Variants in CDH18 observed in about 807,000 individuals in gnomAD.
The protein encoded by CDH18 is cadherin 18, also known as cadherin-18.
CDH18 carries 31 observed loss-of-function variants against 67.9 expected under a neutral mutation model. The observed-to-expected ratio is 0.46, with a 90% confidence interval of 0.34 to 0.62. The LOEUF is 0.62. CDH18 is among the 20% of genes least tolerant of loss of function. The probability of loss-of-function intolerance (pLI) is 0.01; values close to 1 mark genes in which losing one functional copy is unlikely to be tolerated. For synonymous variants in CDH18, 362 were observed against 347.2 expected (o/e 1.04, Z -0.48); for missense variants, 890 against 975.5 (o/e 0.91, Z 1.17).
chr5:19,490,285 G>T (rs1016985877), intron 11 of CDH18, among the ~76,000 whole-genome samples: 2 of 147,408 alleles, frequency 1.4e-5, no homozygotes, highest in African/African-American at 2.5e-5. Flanking sequence ...AGTAAGGAAA[G>T]AATTAAAGCA....
intron 2 of CDH18, among the ~76,000 whole-genome samples, chr5:19,978,630 C>T (rs191967386): frequency 3.3e-5 from 5 of 152,216 alleles, no homozygotes; most frequent in South Asian, 2.1e-4. Context: ...GGCTGTATTC[C>T]GTTCTAGAGG....
intron 2 of CDH18, among the ~76,000 whole-genome samples, chr5:19,974,520 CAAAAAAAA>C (rs70954626): frequency 1.3e-5 from 1 of 78,268 alleles, no homozygotes; most frequent in Admixed American, 1.6e-4. Context: ...TCCTGTCTCC[CAAAAAAAA>C]AAAAAAAAAA....
At chr5:20,165,089 G>A (rs1411247951) in intron 2 of CDH18, among the ~76,000 whole-genome samples, 1 of 152,070 alleles carries the variant, frequency 6.6e-6, no homozygotes, top group Non-Finnish European at 1.5e-5. Context: ...TTAGATAGGT[G>A]CATTGACTAG....
At chr5:20,136,967 C>T (rs1222703799) in intron 2 of CDH18, among the ~76,000 whole-genome samples, 3 of 152,176 alleles carry the variant, frequency 2.0e-5, no homozygotes, top group African/African-American at 4.8e-5. Context: ...TGCTGTTAGT[C>T]TGATGGACTT....
At chr5:19,537,059 A>G (rs1749528968) in intron 9 of CDH18, among the ~76,000 whole-genome samples, 1 of 152,210 alleles carries the variant, frequency 6.6e-6, no homozygotes, top group South Asian at 2.1e-4. Flanking sequence ...TCAGATATGT[A>G]TAGTTACACA....
chr5:20,141,933 C>A (rs944976669), intron 2 of CDH18, among the ~76,000 whole-genome samples: 16 of 151,254 alleles, frequency 1.1e-4, no homozygotes, highest in African/African-American at 3.6e-4. Flanking sequence ...AAAAATAGAG[C>A]AAAATGTGAA....
At chr5:20,544,141 C>T (rs986647214) in intron 1 of CDH18, among the ~76,000 whole-genome samples, 3 of 152,034 alleles carry the variant, frequency 2.0e-5, no homozygotes, top group African/African-American at 7.2e-5. Flanking sequence ...CTTTGTCCTG[C>T]CAGATTTGAT....
At chr5:19,660,688 T>C (rs570978035) in intron 5 of CDH18, among the ~76,000 whole-genome samples, 1 of 152,236 alleles carries the variant, frequency 6.6e-6, no homozygotes, top group South Asian at 2.1e-4. Flanking sequence ...TTATCAAGTT[T>C]AGTTAAACCA....
intron 5 of CDH18, among the ~76,000 whole-genome samples, chr5:19,688,987 G>A (rs991194169): frequency 1.1e-4 from 16 of 151,968 alleles, no homozygotes; most frequent in Non-Finnish European, 2.4e-4. Context: ...AACCCAGTCA[G>A]ATAAAAAGTT....
At chr5:20,115,338 G>A (rs1311490356) in intron 2 of CDH18, among the ~76,000 whole-genome samples, 2 of 124,882 alleles carry the variant, frequency 1.6e-5, no homozygotes, top group Admixed American at 9.9e-5. Context: ...AAGTGTAGTG[G>A]CGCGATCTCA....
intron 9 of CDH18, among the ~76,000 whole-genome samples, chr5:19,526,164 G>A (rs1259959870): frequency 6.6e-6 from 1 of 152,082 alleles, no homozygotes; most frequent in African/African-American, 2.4e-5. Context: ...ACAATTAACG[G>A]TAACTATGTC....
chr5:19,951,436 T>C (rs1383833352), intron 2 of CDH18, among the ~76,000 whole-genome samples: 1 of 152,116 alleles, frequency 6.6e-6, no homozygotes, highest in Non-Finnish European at 1.5e-5. Context: ...TGTAGATGAG[T>C]AATTGACAGT....
chr5:19,858,291 T>C (rs1335783374), intron 2 of CDH18, among the ~76,000 whole-genome samples: 1 of 152,156 alleles, frequency 6.6e-6, no homozygotes, highest in African/African-American at 2.4e-5. Context: ...TGGGTTAAGA[T>C]AATGAGTTGG....
chr5:20,279,730 C>CAAAAAAAAAAAAAAAAAAAAAAAAAAA (rs1309866477), intron 1 of CDH18, among the ~76,000 whole-genome samples: 1 of 66,686 alleles, frequency 1.5e-5, no homozygotes. Context: ...AAAAAAAAAG[C>CAAAAAAAAAAAAAAAAAAAAAAAAAAA]AAAAACTGTA....
chr5:20,172,204 A>ACATATATACACG (rs1287178218), intron 2 of CDH18, among the ~76,000 whole-genome samples: 4 of 60,312 alleles, frequency 6.6e-5, no homozygotes, highest in South Asian at 5.6e-4. Context: ...ATATATATAT[A>ACATATATACACG]TATATATATA....
chr5:19,644,729 A>T (rs540053279), intron 5 of CDH18, among the ~76,000 whole-genome samples: 6 of 152,196 alleles, frequency 3.9e-5, no homozygotes, highest in Non-Finnish European at 8.8e-5. Flanking sequence ...CCCGTGAAGC[A>T]TCTGCACCTC....
intron 1 of CDH18, among the ~76,000 whole-genome samples, chr5:20,276,956 G>T (rs2126682959): frequency 6.6e-6 from 1 of 152,244 alleles, no homozygotes; most frequent in African/African-American, 2.4e-5. Flanking sequence ...GGAAGGAGTA[G>T]GAAGGACTTT....
chr5:20,156,555 T>C (rs1751548095), intron 2 of CDH18, among the ~76,000 whole-genome samples: 1 of 151,994 alleles, frequency 6.6e-6, no homozygotes, highest in African/African-American at 2.4e-5. Context: ...AATGAAATAA[T>C]AGACAATGGG....
At chr5:19,503,166 T>C (rs757146425) in intron 10 of CDH18, 57 bp from the exon 11 acceptor site, 4 of 821,040 alleles carry the variant, frequency 4.9e-6, no homozygotes, top group Admixed American at 2.0e-5. Flanking sequence ...CTCTTGATTT[T>C]AATTACACTG....
Sources: gnomAD v4.1 joint callset for allele counts (sites outside exome capture counted in the v4.1 genomes callset) on GRCh38, gnomAD v4.1.1 for gene constraint, MANE v1.5 for transcripts, NCBI Gene and HGNC (gene_info 2026-07-23, HGNC 2026-07-21) for gene names.